Variants in TBC1D19 observed in about 807,000 individuals in gnomAD.
TBC1D19 encodes the protein TBC1 domain family, member 19.
Under a neutral mutation model 89.0 loss-of-function variants are expected in TBC1D19, and 60 were observed. That is an observed-to-expected ratio of 0.67 (90% confidence interval 0.55 to 0.84). The LOEUF is 0.84. Among genes scored for constraint, TBC1D19 ranks in the 40% least tolerant of loss-of-function variants. The pLI is 0.00. For synonymous variants in TBC1D19, 189 were observed against 199.7 expected, an observed-to-expected ratio of 0.95 and a Z score of 0.45; for missense variants, 500 against 610.8, an observed-to-expected ratio of 0.82 and a Z score of 1.91.
At chr4:26,839,918 C>T in the TBC1D19 span, among the ~76,000 whole-genome samples, 2 of 152,116 alleles carry the variant, frequency 1.3e-5, no homozygotes, top group Admixed American at 6.5e-5. Flanking sequence ...CAACTGTGGG[C>T]ATGTGTCCCT....
At chr4:26,699,379 A>T (rs1268556752) in intron 13 of TBC1D19, among the ~76,000 whole-genome samples, 3 of 152,318 alleles carry the variant, frequency 2.0e-5, no homozygotes, top group African/African-American at 4.8e-5. Flanking sequence ...GCTGGAGAGG[A>T]TGTGGAGAAA....
At chr4:26,702,496 G>C (rs958996732) in intron 13 of TBC1D19, 6 of 152,184 alleles carry the variant, frequency 3.9e-5, no homozygotes, top group African/African-American at 1.2e-4. Context: ...TTGTTTTAAA[G>C]TGTTTATATA....
At chr4:26,697,104 G>A (rs1714858558) in intron 13 of TBC1D19, among the ~76,000 whole-genome samples, 1 of 151,826 alleles carries the variant, frequency 6.6e-6, no homozygotes, top group Admixed American at 6.6e-5. Flanking sequence ...AATTCATAGA[G>A]TACTAGCAAG....
At position 26,637,296 on chromosome 4, in the gene TBC1D19, A is replaced by T. The variant is rs751008807; in HGVS notation, c.369+11A>T. 1.2e-6 allele frequency: 2 copies of T among 1,601,806 alleles called. No individual in the cohort carries two copies. Among genetic ancestry groups the T allele is most frequent in the Non-Finnish European group, 1.7e-6 (2 of 1,171,748 alleles). On this transcript the variant is annotated intron_variant, in intron 5 of 20. Coordinates refer to ENST00000264866, the MANE Select transcript of TBC1D19 (RefSeq NM_018317.4). ...CCACTGGCACGAAAGGTACTTTTAAACATTTTTCTGTTTAAGTATTTCATT... is the reference window on the plus strand; with the variant it reads ...CCACTGGCACGAAAGGTACTTTTAATCATTTTTCTGTTTAAGTATTTCATT...
intron 13 of TBC1D19, among the ~76,000 whole-genome samples, chr4:26,688,696 G>A (rs1714027469): frequency 6.6e-6 from 1 of 152,044 alleles, no homozygotes; most frequent in Admixed American, 6.6e-5. Context: ...TAAATCAGAT[G>A]TCAAATTCTT....
chr4:26,776,150 A>G, the TBC1D19 span, among the ~76,000 whole-genome samples: 1 of 152,180 alleles, frequency 6.6e-6, no homozygotes, highest in African/African-American at 2.4e-5. Context: ...ACAATATTTT[A>G]AGGCCACAAT....
At chr4:26,672,576 T>C (rs1195094175) in intron 10 of TBC1D19, among the ~76,000 whole-genome samples, 2 of 152,022 alleles carry the variant, frequency 1.3e-5, no homozygotes, top group African/African-American at 2.4e-5. Context: ...CAGGAGAAAA[T>C]ATAACTGTAA....
At chr4:26,624,799 G>T (rs1742288592) in intron 4 of TBC1D19, among the ~76,000 whole-genome samples, 1 of 152,030 alleles carries the variant, frequency 6.6e-6, no homozygotes, top group African/African-American at 2.4e-5. Flanking sequence ...TCAAGTAATT[G>T]CAAGGTTTAG....
At chr4:26,656,981 TCTTCTTCTTCTCCTTCTCCTTCTC>T (rs1416291378) in intron 7 of TBC1D19, among the ~76,000 whole-genome samples, 2 of 7,132 alleles carry the variant, frequency 2.8e-4, no homozygotes, top group East Asian at 8.6e-3. Flanking sequence ...TTCTTCTTCT[TCTTCTTCTTCTCCTTCTCCTTCTC>T]CTTCTCCTTC....
chr4:26,661,889 G>A (rs891362859), intron 8 of TBC1D19, among the ~76,000 whole-genome samples: 4 of 152,170 alleles, frequency 2.6e-5, no homozygotes, highest in Admixed American at 6.5e-5. Flanking sequence ...ACAACATAGG[G>A]AAGTCTCATA....
chr4:26,637,709 A>C lies in TBC1D19; in HGVS notation c.369+424A>C, dbSNP rs543690979. On this transcript the variant is annotated intron_variant, in intron 5 of 20. Transcript: ENST00000264866. ...TTTACTAGTATATCACCTTGGTTTG[A>C]AACAAAAATCTGTAAAAGGCCAATT... Among the ~76,000 whole-genome samples, 83 of 152,284 alleles carry C rather than the reference A, an allele frequency of 5.5e-4. 2 individuals are homozygous for C. The highest frequency in any genetic ancestry group is 2.0e-3 in the African/African-American group (82 of 41,570).
intron 4 of TBC1D19, among the ~76,000 whole-genome samples, chr4:26,628,465 C>G (rs1742577673): frequency 6.6e-6 from 1 of 151,910 alleles, no homozygotes; most frequent in African/African-American, 2.4e-5. Context: ...GGGATGCCCT[C>G]TCTCACCACT....
chr4:26,827,630 C>T, the TBC1D19 span, among the ~76,000 whole-genome samples: 27 of 152,116 alleles, frequency 1.8e-4, no homozygotes, highest in African/African-American at 6.5e-4. Context: ...ATCAGGCTGG[C>T]ACTCACCTAC....
intron 3 of TBC1D19, among the ~76,000 whole-genome samples, chr4:26,619,483 G>A (rs1741903414): frequency 6.6e-6 from 1 of 152,108 alleles, no homozygotes; most frequent in Non-Finnish European, 1.5e-5. Context: ...GGGATTGCAG[G>A]CATAAGCCAC....
Position 26,596,048 on chromosome 4 carries a change from C to G in TBC1D19, c.99+11756C>G, listed in dbSNP as rs150651805. On this transcript the variant is annotated intron_variant, in intron 1 of 20. Coordinates refer to ENST00000264866, the MANE Select transcript of TBC1D19 (RefSeq NM_018317.4). Reference sequence around the variant, plus strand: ...CTTAGCTCTCTGCAACCTCTCTCTCCTGGATTCAAGCGATTCTCCTGCCTC... The same window carrying G: ...CTTAGCTCTCTGCAACCTCTCTCTCGTGGATTCAAGCGATTCTCCTGCCTC... 9.8e-3 allele frequency among the ~76,000 whole-genome samples: 1,488 copies of G among 152,200 alleles called. 31 individuals are homozygous for G. Among genetic ancestry groups the G allele is most frequent in the African/African-American group, 0.034 (1,423 of 41,504 alleles).
chr4:26,804,627 C>T, the TBC1D19 span, among the ~76,000 whole-genome samples: 1 of 152,104 alleles, frequency 6.6e-6, no homozygotes, highest in African/African-American at 2.4e-5. Flanking sequence ...CAGACCCCAC[C>T]GGGCGCAGCC....
chr4:26,795,438 C>CT, the TBC1D19 span, among the ~76,000 whole-genome samples: 1 of 152,214 alleles, frequency 6.6e-6, no homozygotes, highest in African/African-American at 2.4e-5. Context: ...CACTTACTGT[C>CT]TATCTGCCTT....
At chr4:26,853,085 A>C in the TBC1D19 span, among the ~76,000 whole-genome samples, 4 of 152,196 alleles carry the variant, frequency 2.6e-5, no homozygotes, top group Admixed American at 6.5e-5. Context: ...TTCTACTCAA[A>C]ACCTTTCAGT....
At chr4:26,685,828 C>G (rs1487234680) in intron 12 of TBC1D19, among the ~76,000 whole-genome samples, 1 of 152,154 alleles carries the variant, frequency 6.6e-6, no homozygotes, top group Non-Finnish European at 1.5e-5. Flanking sequence ...CCATTAGCCT[C>G]TTTTCTAGTC....
Sources: allele counts gnomAD v4.1 joint callset (sites outside exome capture counted in the v4.1 genomes callset), GRCh38; gene constraint gnomAD v4.1.1; transcripts MANE v1.5; gene names NCBI Gene and HGNC (gene_info 2026-07-23, HGNC 2026-07-21).